PPP6R2: variants seen among roughly 807,000 people sequenced by gnomAD.
PPP6R2 encodes serine/threonine-protein phosphatase 6 regulatory subunit 2.
Under a neutral mutation model 100.2 loss-of-function variants are expected in PPP6R2, and 62 were observed. The observed-to-expected ratio is 0.62, with a 90% CI of 0.50 to 0.76. The LOEUF (loss-of-function observed/expected upper bound fraction) is 0.76, where lower values mean the gene tolerates loss of function less well. Ranked by LOEUF, PPP6R2 falls within the 30% of genes least tolerant of loss-of-function variation. The pLI, the probability that PPP6R2 is intolerant of heterozygous loss-of-function variation, is 0.00. For missense variants in PPP6R2, 1,142 were observed against 1,276.3 expected, an observed-to-expected ratio of 0.89 and a Z score of 1.60; for synonymous variants, 525 against 514.7, an observed-to-expected ratio of 1.02 and a Z score of -0.27.
At chr22:50,365,323 G>C (rs535830108) in intron 1 of PPP6R2, among the ~76,000 whole-genome samples, 39 of 151,910 alleles carry the variant, frequency 2.6e-4, no homozygotes, top group African/African-American at 9.4e-4. Flanking sequence ...CATCTGCCTC[G>C]GCCTCCCAAA....
rs1442625164 is a variant in PPP6R2, at chr22:50,416,122, C to G, written c.583C>G (p.Leu195Val). Residue 195 changes from leucine to valine, a missense_variant, in exon 6 of 24, where the codon CTT (leucine) becomes GTT (valine). Around this residue, in one of 2 missense-constraint regions of PPP6R2, gnomAD observed 592 missense variants for 758.9 expected, o/e 0.78. Transcript: ENST00000612753. ...WLNEEKVIQR[L>V]VELIHPSQDE... ...GAATGAAGAGAAGGTCATCCAGAGG[C>G]TTGTGGAGTTGATCCACCCGAGCCA... 1 of 1,613,866 alleles carries G rather than the reference C, an allele frequency of 6.2e-7. No homozygotes were observed. Among genetic ancestry groups the G allele is most frequent in the South Asian group, 1.1e-5 (1 of 91,066 alleles).
intron 19 of PPP6R2, among the ~76,000 whole-genome samples, chr22:50,439,392 G>A (rs77494558): frequency 1.3e-5 from 2 of 152,298 alleles, no homozygotes; most frequent in East Asian, 3.9e-4. Context: ...TTGCGGTCCT[G>A]GGTAGGACAG....
chr22:50,437,757 C>G, intron 16 of PPP6R2, 86 bp from the exon 17 acceptor site: 3 of 1,481,926 alleles, frequency 2.0e-6, no homozygotes, highest in Non-Finnish European at 2.8e-6. Context: ...CTGAGGCCCC[C>G]GATGAGCACC....
chr22:50,413,386 T>G (rs1347002513), intron 4 of PPP6R2, among the ~76,000 whole-genome samples: 1 of 152,146 alleles, frequency 6.6e-6, no homozygotes, highest in Non-Finnish European at 1.5e-5. Context: ...TACAGCATTT[T>G]GGGAGGCTGA....
In PPP6R2 at chr22:50,423,056, C is replaced by CA. The variant is rs1179219997; in HGVS notation, c.973-405dup. On this transcript the variant is annotated intron_variant, in intron 9 of 23. Coordinates refer to ENST00000612753, the MANE Select transcript of PPP6R2 (RefSeq NM_001242898.2). This position sits in a 1 kb window ranked among gnomAD's most constrained non-coding sequence, Gnocchi z 4.8. ...GTGTCCCCAAAGTGTGTTCATGGGA[C>CA]ACTTGTTAGCTTGGTGTTCTGAGAT... 6.6e-6 allele frequency among the ~76,000 whole-genome samples: 1 copy of CA among 152,142 alleles called. No individual in the cohort carries two copies. Among genetic ancestry groups the CA allele is most frequent in the Non-Finnish European group, 1.5e-5 (1 of 68,022 alleles).
intron 3 of PPP6R2, among the ~76,000 whole-genome samples, chr22:50,404,023 C>T (rs1405406632): frequency 6.6e-6 from 1 of 151,988 alleles, no homozygotes; most frequent in African/African-American, 2.4e-5. Context: ...AAGGTCATAG[C>T]AGCTGACCTT....
the PPP6R2 span, among the ~76,000 whole-genome samples, chr22:50,338,015 T>G: frequency 8.4e-3 from 1,207 of 143,190 alleles, 11 homozygotes; most frequent in African/African-American, 0.026. Context: ...ATAGTGTGTG[T>G]GGGGGGTATG....
At chr22:50,413,848 A>G (rs1343503535) in intron 4 of PPP6R2, among the ~76,000 whole-genome samples, 1 of 152,110 alleles carries the variant, frequency 6.6e-6, no homozygotes, top group East Asian at 1.9e-4. Context: ...AGTAGCCTGG[A>G]CATAGCAGAC....
chr22:50,390,440 A>G (rs1016203895), intron 2 of PPP6R2, among the ~76,000 whole-genome samples: 2 of 152,224 alleles, frequency 1.3e-5, no homozygotes, highest in Admixed American at 6.5e-5. Flanking sequence ...ACTTCAAAAC[A>G]AGGTATGTTG....
chr22:50,402,600 C>T (rs969362210), intron 3 of PPP6R2, among the ~76,000 whole-genome samples: 2 of 152,140 alleles, frequency 1.3e-5, no homozygotes, highest in Admixed American at 1.3e-4. Context: ...TCAGTCTTCA[C>T]GTGGCCGGCT....
chr22:50,352,389 C>T (rs1394509794), intron 1 of PPP6R2, among the ~76,000 whole-genome samples: 1 of 152,184 alleles, frequency 6.6e-6, no homozygotes, highest in Non-Finnish European at 1.5e-5. Context: ...GAGGGCCTTA[C>T]TGTAGACTAT....
At chr22:50,340,563 TA>T (rs1234205017), upstream of PPP6R2, among the ~76,000 whole-genome samples, 2 of 134,308 alleles carry the variant, frequency 1.5e-5, no homozygotes, top group South Asian at 2.4e-4. Context: ...GTGTGGTATG[TA>T]GTGTGTGTGG....
chr22:50,422,211 G>A (rs2061432050), intron 8 of PPP6R2, 43 bp from the exon 9 acceptor site: 2 of 1,593,676 alleles, frequency 1.3e-6, no homozygotes, highest in Non-Finnish European at 1.7e-6. Context: ...GGTTGGACAG[G>A]GTCCTGGTGT....
At chr22:50,408,048 T>C (rs1239799267) in intron 4 of PPP6R2, among the ~76,000 whole-genome samples, 1 of 152,098 alleles carries the variant, frequency 6.6e-6, no homozygotes, top group African/African-American at 2.4e-5. Context: ...CACACCTGGC[T>C]AGTTTTTAAA....
chr22:50,373,730 AT>A (rs1602563115), intron 2 of PPP6R2, among the ~76,000 whole-genome samples: 1 of 149,806 alleles, frequency 6.7e-6, no homozygotes, highest in East Asian at 2.0e-4. Context: ...TTATTTATAT[AT>A]TTTTATGTGT....
chr22:50,437,958 T>A, intron 17 of PPP6R2, 58 bp downstream of exon 17: 2 of 1,562,818 alleles, frequency 1.3e-6, no homozygotes, highest in South Asian at 2.3e-5. Context: ...GCTCAGGCCA[T>A]GCCCATGGCT....
intron 10 of PPP6R2, among the ~76,000 whole-genome samples, chr22:50,424,517 G>A (rs73172211): frequency 0.17 from 25,165 of 148,440 alleles, 2,686 homozygotes; most frequent in East Asian, 0.24. Flanking sequence ...AGGTCTGTCC[G>A]CGTGTGGAAC....
intron 2 of PPP6R2, among the ~76,000 whole-genome samples, chr22:50,380,231 CT>C (rs57158964): frequency 1.1e-3 from 159 of 142,274 alleles, no homozygotes; most frequent in Admixed American, 1.1e-3. Flanking sequence ...CAGTCTTTTT[CT>C]TTTTTTTTTT....
intron 2 of PPP6R2, among the ~76,000 whole-genome samples, chr22:50,384,772 C>T (rs942008208): frequency 1.3e-5 from 2 of 152,026 alleles, no homozygotes; most frequent in East Asian, 3.9e-4. Flanking sequence ...TGGGGTGTCA[C>T]TCTGTTGCCT....
Sources: allele counts gnomAD v4.1 joint callset (sites outside exome capture counted in the v4.1 genomes callset), GRCh38; gene constraint gnomAD v4.1.1; regional missense constraint gnomAD v4.1.1; non-coding constraint Gnocchi (gnomAD v3.1); transcripts MANE v1.5; gene names NCBI Gene and HGNC (gene_info 2026-07-23, HGNC 2026-07-21).